DNAH6: variants seen among roughly 807,000 people sequenced by gnomAD.
The protein encoded by DNAH6 is dynein axonemal heavy chain 6, also known as axonemal beta dynein heavy chain 6.
A neutral mutation model predicts 491.4 loss-of-function variants in DNAH6; 340 were observed. The ratio of observed to expected loss-of-function variants is 0.69; its 90% CI spans 0.63 to 0.76. DNAH6 has a LOEUF of 0.76. DNAH6 is among the 30% of genes least tolerant of loss of function. The pLI is 0.00. For missense variants in DNAH6, 4,443 were observed against 4,972.2 expected, an observed-to-expected ratio of 0.89 and a Z score of 3.20; for synonymous variants, 1,603 against 1,686.1, an observed-to-expected ratio of 0.95 and a Z score of 1.21.
chr2:84,571,179 A>G (rs922182914), intron 11 of DNAH6, among the ~76,000 whole-genome samples: 1 of 152,250 alleles, frequency 6.6e-6, no homozygotes, highest in African/African-American at 2.4e-5. Context: ...TTTCTTTGGT[A>G]GAATGCAAGC....
intron 54 of DNAH6, among the ~76,000 whole-genome samples, chr2:84,708,727 T>G (rs1696758380): frequency 6.6e-6 from 1 of 152,184 alleles, no homozygotes; most frequent in Non-Finnish European, 1.5e-5. Flanking sequence ...TGAAATTATT[T>G]GAAAGAATTT....
intron 22 of DNAH6, 58 bp from the exon 23 acceptor site, chr2:84,616,828 C>G (rs1021338418): frequency 1.2e-6 from 1 of 849,360 alleles, no homozygotes; most frequent in African/African-American, 1.8e-5. Flanking sequence ...GATATTTTTT[C>G]AGAAAAAAAT....
At chr2:84,462,610 C>T in the DNAH6 span, among the ~76,000 whole-genome samples, 1 of 152,200 alleles carries the variant, frequency 6.6e-6, no homozygotes, top group South Asian at 2.1e-4. Context: ...CACTCCCAGC[C>T]AAGTTTGTGG....
rs192481791 is a variant in DNAH6, at chr2:84,703,360, T to C, written c.8062-35T>C. The C allele has an allele frequency of 8.1e-4, 1,162 of 1,428,488 alleles. 12 individuals are homozygous for C. The highest frequency in any genetic ancestry group is 5.7e-5 in the Non-Finnish European group (61 of 1,079,508). 88.5% of individuals were successfully genotyped at this position (1,428,488 alleles called of 1,614,324 possible). Reference sequence around the variant, plus strand: ...ATACCAGTAAACTTAGAGTTTATAATGCTCATTATAATATAAATTTTCATT... The same window carrying C: ...ATACCAGTAAACTTAGAGTTTATAACGCTCATTATAATATAAATTTTCATT... On this transcript the variant is annotated intron_variant, in intron 49 of 76. Coordinates refer to ENST00000389394, the MANE Select transcript of DNAH6 (RefSeq NM_001370.2).
At chr2:84,645,411 C>T (rs1689799569) in intron 33 of DNAH6, among the ~76,000 whole-genome samples, 1 of 151,908 alleles carries the variant, frequency 6.6e-6, no homozygotes, top group South Asian at 2.1e-4. Context: ...AAAAGTGAAA[C>T]TCTGTCTCAA....
chr2:84,764,446 T>A (rs1674881264), intron 64 of DNAH6, among the ~76,000 whole-genome samples: 2 of 152,154 alleles, frequency 1.3e-5, no homozygotes, highest in African/African-American at 2.4e-5. Context: ...ATTTCACACC[T>A]ATCCAACTGG....
chr2:84,773,034 CTT>C (rs748935337), intron 64 of DNAH6, among the ~76,000 whole-genome samples: 2 of 152,014 alleles, frequency 1.3e-5, no homozygotes, highest in Non-Finnish European at 2.9e-5. Context: ...AAATGATACA[CTT>C]TTAAGAAATC....
chr2:84,585,580 A>C, intron 15 of DNAH6, among the ~76,000 whole-genome samples: 1 of 151,874 alleles, frequency 6.6e-6, no homozygotes, highest in South Asian at 2.1e-4. Flanking sequence ...TTGTCCCATC[A>C]TCTCTGCAGC....
At chr2:84,708,860 C>T (rs1234148071) in intron 54 of DNAH6, among the ~76,000 whole-genome samples, 2 of 152,152 alleles carry the variant, frequency 1.3e-5, no homozygotes, top group Admixed American at 1.3e-4. Flanking sequence ...CCATGTTTCT[C>T]ACTGGGGCCA....
intron 33 of DNAH6, among the ~76,000 whole-genome samples, chr2:84,648,989 A>C (rs1690157688): frequency 6.6e-6 from 1 of 152,234 alleles, no homozygotes; most frequent in Admixed American, 6.5e-5. Flanking sequence ...CAGTCACTCC[A>C]GCCTTCAGCA....
chr2:84,685,564 A>G (rs1014152030), intron 43 of DNAH6, 92 bp downstream of exon 43: 3 of 713,796 alleles, frequency 4.2e-6, no homozygotes, highest in Non-Finnish European at 4.1e-6. Flanking sequence ...AAGAATTTTC[A>G]TAATTTATGA....
intron 21 of DNAH6, among the ~76,000 whole-genome samples, chr2:84,609,963 A>G (rs1351865739): frequency 6.6e-6 from 1 of 152,102 alleles, no homozygotes; most frequent in Non-Finnish European, 1.5e-5. Context: ...TTATTATCTC[A>G]CAGTTTCTGT....
intron 70 of DNAH6, among the ~76,000 whole-genome samples, chr2:84,799,305 G>A (rs1193111715): frequency 6.6e-6 from 1 of 152,120 alleles, no homozygotes; most frequent in Non-Finnish European, 1.5e-5. Flanking sequence ...CTTTTTCCAG[G>A]ATGAGCATGG....
chr2:84,668,922 C>T (rs1438796755), intron 37 of DNAH6, among the ~76,000 whole-genome samples: 2 of 151,600 alleles, frequency 1.3e-5, no homozygotes. Context: ...GTGCTTATGT[C>T]CCTCAGGGGG....
At chr2:84,808,897 A>C (rs973128309) in intron 72 of DNAH6, among the ~76,000 whole-genome samples, 1 of 152,226 alleles carries the variant, frequency 6.6e-6, no homozygotes, top group African/African-American at 2.4e-5. Flanking sequence ...ATAGTCTTTA[A>C]GCGAGACTGT....
chr2:84,691,088 T>C (rs887845237), intron 45 of DNAH6, among the ~76,000 whole-genome samples: 2 of 152,190 alleles, frequency 1.3e-5, no homozygotes, highest in African/African-American at 4.8e-5. Context: ...AGGAGAACTA[T>C]CTCTTGCCTA....
intron 61 of DNAH6, among the ~76,000 whole-genome samples, chr2:84,728,622 G>A (rs1342395396): frequency 3.3e-5 from 5 of 152,184 alleles, no homozygotes; most frequent in African/African-American, 1.2e-4. Flanking sequence ...CACAGATTTA[G>A]CAATAGTTTT....
intron 4 of DNAH6, among the ~76,000 whole-genome samples, chr2:84,542,645 C>T (rs1306240513): frequency 1.3e-5 from 2 of 151,854 alleles, no homozygotes; most frequent in African/African-American, 2.4e-5. Flanking sequence ...ATTCTGGTCC[C>T]GTGTGCCATA....
At chr2:84,516,161 T>C (rs1294716229), upstream of DNAH6, among the ~76,000 whole-genome samples, 1 of 152,208 alleles carries the variant, frequency 6.6e-6, no homozygotes, top group African/African-American at 2.4e-5. Flanking sequence ...CTTACGCCTC[T>C]TGAAGGAAAA....
Sources: gnomAD v4.1 joint callset for allele counts (sites outside exome capture counted in the v4.1 genomes callset) on GRCh38, gnomAD v4.1.1 for gene constraint, MANE v1.5 for transcripts, NCBI Gene and HGNC (gene_info 2026-07-23, HGNC 2026-07-21) for gene names.